Variants in PHEX observed in about 807,000 individuals in gnomAD.
The protein encoded by PHEX is phosphate-regulating neutral endopeptidase PHEX.
A neutral mutation model predicts 68.0 loss-of-function variants in PHEX; 16 were observed. That is an observed-to-expected ratio of 0.24 (90% CI 0.16 to 0.36). PHEX has a LOEUF of 0.36. Ranked by LOEUF, PHEX falls within the 10% of genes least tolerant of loss-of-function variation. The pLI, the probability that PHEX is intolerant of heterozygous loss-of-function variation, is 1.00. For synonymous variants in PHEX, 208 were observed against 205.1 expected (o/e 1.01, Z -0.12); for missense variants, 480 against 575.5 (o/e 0.83, Z 1.70).
At chrX:22,221,505 C>A in intron 17 of PHEX, 108 bp from the exon 18 acceptor site, 1 of 649,541 alleles carries the variant, frequency 1.5e-6, no homozygotes, top group Non-Finnish European at 2.5e-6. Flanking sequence ...GAAGAGTGTT[C>A]CCTGCTGTTA....
chrX:22,036,054 A>ATATATATTT (rs1349859330), intron 1 of PHEX, among the ~76,000 whole-genome samples: 1 of 56,736 alleles, frequency 1.8e-5, no homozygotes, highest in African/African-American at 9.2e-5. Flanking sequence ...ATATATATAT[A>ATATATATTT]TTTTTTTTTT....
intron 1 of PHEX, 24 bp downstream of exon 1, chrX:22,033,147 G>A (rs1406587235): frequency 9.5e-7 from 1 of 1,054,766 alleles, no homozygotes; most frequent in Admixed American, 2.2e-5. Flanking sequence ...AGGAGGCCGG[G>A]GGAACTGGGT....
Position 22,126,002 on chromosome X carries a change from T to C in PHEX, c.1303-7521T>C, listed in dbSNP as rs112758375. ...CAATTTCAACTCTGCTAGGTGCCAA[T>C]TGAAGGTTTCAAAAAGCATAAATTG... On this transcript the variant is annotated intron_variant, in intron 11 of 21. Transcript: ENST00000379374. Among the ~76,000 whole-genome samples the C allele has an allele frequency of 8.2e-3, 923 of 111,922 alleles. 4 individuals are homozygous for C. Among genetic ancestry groups the C allele is most frequent in the African/African-American group, 0.028 (872 of 30,806 alleles).
intron 12 of PHEX, among the ~76,000 whole-genome samples, chrX:22,145,083 A>G (rs1329767678): frequency 2.7e-5 from 3 of 112,262 alleles, no homozygotes; most frequent in Non-Finnish European, 3.8e-5. Flanking sequence ...GCATCTATCA[A>G]GAGGCTCACA....
At chrX:22,122,017 T>C (rs772792157) in intron 11 of PHEX, among the ~76,000 whole-genome samples, 1 of 111,955 alleles carries the variant, frequency 8.9e-6, no homozygotes, top group African/African-American at 3.2e-5. Context: ...GATAATTGAA[T>C]TGATGTACTG....
At chrX:22,214,441 CA>C (rs3833908) in intron 16 of PHEX, among the ~76,000 whole-genome samples, 36,289 of 111,270 alleles carry the variant, frequency 0.33, 4,682 homozygotes, top group African/African-American at 0.44. Context: ...CAAAGATTAG[CA>C]ATATGGACAT....
chrX:22,131,118 T>C (rs1255211298), intron 11 of PHEX, among the ~76,000 whole-genome samples: 17 of 110,988 alleles, frequency 1.5e-4, no homozygotes, highest in Non-Finnish European at 2.6e-4. Flanking sequence ...CAGCTCACTG[T>C]GACCTCTGCC....
intron 9 of PHEX, among the ~76,000 whole-genome samples, chrX:22,101,889 G>T (rs1930445933): frequency 9.0e-6 from 1 of 111,407 alleles, no homozygotes. Context: ...TTCTCTCAAT[G>T]GCAAATACTT....
chrX:22,055,174 CAAAAAAAAAAAAAAAAAAAAAAAAAAAA>C (rs111628195), intron 3 of PHEX, among the ~76,000 whole-genome samples: 2 of 66,089 alleles, frequency 3.0e-5, no homozygotes, highest in African/African-American at 9.7e-5. Context: ...GACTCCAGCT[CAAAAAAAAAAAAAAAAAAAAAAAAAAAA>C]AAAAAAAAAA....
chrX:22,111,449 A>ATC lies in PHEX; in HGVS notation c.1080-10_1080-9dup, dbSNP rs750441936. On this transcript the variant is annotated splice_polypyrimidine_tract_variant and intron_variant, in intron 9 of 21. Coordinates refer to ENST00000379374, the MANE Select transcript of PHEX (RefSeq NM_000444.6). ...TTGACCTAAAATACAATAAATGGGCATCTCTCTCTGTTAACAGGACCATTG... is the reference window on the plus strand; with the variant it reads ...TTGACCTAAAATACAATAAATGGGCATCTCTCTCTCTGTTAACAGGACCATTG... 1 of 1,141,382 alleles carries ATC rather than the reference A, an allele frequency of 8.8e-7. No homozygotes were observed. Among genetic ancestry groups the ATC allele is most frequent in the Non-Finnish European group, 1.2e-6 (1 of 830,827 alleles). 94.1% of individuals were successfully genotyped at this position (1,141,382 alleles called of 1,213,427 possible). A position where few individuals can be genotyped will look rare whatever the true frequency, so the allele number is the denominator to read the frequency against.
chrX:22,058,537 A>AT (rs1928218930), intron 3 of PHEX, among the ~76,000 whole-genome samples: 1 of 112,206 alleles, frequency 8.9e-6, no homozygotes, highest in African/African-American at 3.2e-5. Flanking sequence ...TGGTTCTGAA[A>AT]GAGGCAAGGC....
chrX:22,171,728 A>G (rs1222231912), intron 13 of PHEX: 1 of 112,122 alleles, frequency 8.9e-6, no homozygotes. Context: ...TGAGGGCAAT[A>G]GCAAAAAGAC....
chrX:22,207,605 CAAAT>C (rs1449748032), intron 15 of PHEX, among the ~76,000 whole-genome samples: 6 of 110,064 alleles, frequency 5.5e-5, no homozygotes, highest in Admixed American at 9.7e-5. Flanking sequence ...AATAAGAAAA[CAAAT>C]AAATAACTAA....
chrX:22,077,426 C>T (rs1287024304), intron 4 of PHEX, 50 bp from the exon 5 acceptor site: 1 of 1,031,292 alleles, frequency 9.7e-7, no homozygotes, highest in Admixed American at 2.2e-5. Flanking sequence ...TTCTAGTGTG[C>T]TGATCCAGTT....
At position 22,094,020 on chromosome X, in the gene PHEX, C is replaced by T; in HGVS notation, c.770C>T (p.Ala257Val). 8.3e-7 allele frequency: 1 copy of T among 1,203,032 alleles called. No homozygotes were observed. Among genetic ancestry groups the T allele is most frequent in the South Asian group, 1.8e-5 (1 of 56,773 alleles). The change falls in exon 7 of 22, where the codon GCC (alanine) becomes GTC (valine). Residue 257 changes from alanine to valine, a missense_variant. Physicochemically the swap from Ala to Val is moderately conservative, Grantham distance 64. Transcript: ENST00000379374. The stretch of plus-strand genomic sequence containing the variant: ...CTTTACAAGTTCATGGTGGATACTG[C>T]CGTGCTTTTAGGAGCTAACAGTTCC... The part of the protein sequence containing the change: ...DALYKFMVDT[A>V]VLLGANSSRA...
chrX:22,092,782 C>T (rs1400826190), intron 6 of PHEX, among the ~76,000 whole-genome samples: 1 of 82,443 alleles, frequency 1.2e-5, no homozygotes, highest in African/African-American at 5.7e-5. Context: ...TGGAATTTCC[C>T]TCTGTTGCCC....
intron 5 of PHEX, among the ~76,000 whole-genome samples, chrX:22,089,666 C>G (rs1251440264): frequency 1.8e-5 from 2 of 110,800 alleles, no homozygotes; most frequent in Non-Finnish European, 3.8e-5. Context: ...AGTGACCCAC[C>G]CACCTTGGCC....
chrX:22,217,005 T>G (rs1346311461), intron 16 of PHEX, among the ~76,000 whole-genome samples: 1 of 112,121 alleles, frequency 8.9e-6, no homozygotes, highest in Non-Finnish European at 1.9e-5. Flanking sequence ...CTGAATTCTC[T>G]ATTGCCTTTT....
At chrX:22,233,715 C>CTGTT (rs1230076519) in intron 20 of PHEX, among the ~76,000 whole-genome samples, 1 of 111,369 alleles carries the variant, frequency 9.0e-6, no homozygotes, top group African/African-American at 3.3e-5. Flanking sequence ...TTCATCTAAC[C>CTGTT]TGTTTTCAAG....
Sources: gnomAD v4.1 joint callset for allele counts (sites outside exome capture counted in the v4.1 genomes callset) on GRCh38, gnomAD v4.1.1 for gene constraint, MANE v1.5 for transcripts, NCBI Gene and HGNC (gene_info 2026-07-23, HGNC 2026-07-21) for gene names.